The following ARHGAP10 variants were observed in gnomAD, a reference collection of about 807,000 sequenced individuals.
ARHGAP10 encodes the protein rho GTPase-activating protein 10.
A neutral mutation model predicts 108.6 loss-of-function variants in ARHGAP10; 87 were observed. That is an observed-to-expected ratio of 0.80 (90% CI 0.67 to 0.96). ARHGAP10 has a LOEUF of 0.96. ARHGAP10 is among the 40% of genes least tolerant of loss of function. The probability of loss-of-function intolerance (pLI) is 0.00; values close to 1 mark genes in which losing one functional copy is unlikely to be tolerated. For synonymous variants in ARHGAP10, 347 were observed against 341.1 expected (o/e 1.02, Z -0.19); for missense variants, 939 against 954.5 (o/e 0.98, Z 0.21).
intron 3 of ARHGAP10, among the ~76,000 whole-genome samples, chr4:147,823,484 A>G (rs1732588372): frequency 2.6e-5 from 4 of 152,148 alleles, no homozygotes; most frequent in Non-Finnish European, 5.9e-5. Context: ...TTGGCCAGGC[A>G]TGGTGGGTCA....
intron 18 of ARHGAP10, among the ~76,000 whole-genome samples, chr4:147,975,383 AG>A (rs1343962383): frequency 5.3e-5 from 8 of 152,186 alleles, no homozygotes; most frequent in Admixed American, 4.6e-4. Flanking sequence ...ACAGAGCAGT[AG>A]GGAGAAGGGC....
chr4:148,036,066 CTGTGTGTGTGTG>C (rs61692055), intron 19 of ARHGAP10, among the ~76,000 whole-genome samples: 22 of 142,868 alleles, frequency 1.5e-4, no homozygotes, highest in East Asian at 1.0e-3. Flanking sequence ...GGAGCTGCCT[CTGTGTGTGTGTG>C]TGTGTGTGTG....
At chr4:147,879,059 C>T (rs541829238) in intron 8 of ARHGAP10, among the ~76,000 whole-genome samples, 173 bp from the exon 9 acceptor site, 4 of 152,306 alleles carry the variant, frequency 2.6e-5, no homozygotes, top group African/African-American at 9.6e-5. Context: ...CGTGAGCCAC[C>T]GTGCCCGGCC....
At chr4:147,985,085 A>G (rs1277058995) in intron 18 of ARHGAP10, among the ~76,000 whole-genome samples, 1 of 151,912 alleles carries the variant, frequency 6.6e-6, no homozygotes, top group Non-Finnish European at 1.5e-5. Flanking sequence ...AATCTCATCC[A>G]GGAGAGTGGG....
chr4:147,756,209 T>G (rs1489613726), intron 1 of ARHGAP10, among the ~76,000 whole-genome samples: 4 of 151,972 alleles, frequency 2.6e-5, no homozygotes, highest in African/African-American at 9.7e-5. Flanking sequence ...CAGCTTCTGC[T>G]AATACCTCAT....
chr4:147,763,746 C>CTTTTTTTT (rs35774782), intron 1 of ARHGAP10, among the ~76,000 whole-genome samples: 1 of 93,170 alleles, frequency 1.1e-5, no homozygotes, highest in Non-Finnish European at 2.1e-5. Context: ...ATGGTGATTC[C>CTTTTTTTT]TTTTTTTTTT....
chr4:147,892,077 G>A (rs1425966768), intron 10 of ARHGAP10, among the ~76,000 whole-genome samples: 1 of 152,082 alleles, frequency 6.6e-6, no homozygotes, highest in Non-Finnish European at 1.5e-5. Context: ...CTGACATTTC[G>A]AATATTATAT....
At chr4:147,888,021 T>G (rs1030516541) in intron 10 of ARHGAP10, among the ~76,000 whole-genome samples, 1 of 152,032 alleles carries the variant, frequency 6.6e-6, no homozygotes, top group African/African-American at 2.4e-5. Flanking sequence ...TCATGGTCTT[T>G]CCCTCGCAGC....
chr4:148,040,869 C>T (rs1728607288), intron 19 of ARHGAP10, among the ~76,000 whole-genome samples: 1 of 152,030 alleles, frequency 6.6e-6, no homozygotes, highest in African/African-American at 2.4e-5. Flanking sequence ...CCTTAATATT[C>T]CGTCTTGGCT....
chr4:148,049,779 G>C (rs1486987104), intron 20 of ARHGAP10, among the ~76,000 whole-genome samples: 3 of 147,772 alleles, frequency 2.0e-5, no homozygotes, highest in Non-Finnish European at 4.4e-5. Flanking sequence ...CTTACCCCAA[G>C]CTAGATCATA....
intron 1 of ARHGAP10, among the ~76,000 whole-genome samples, chr4:147,800,228 C>T (rs1326510623): frequency 6.6e-6 from 1 of 152,218 alleles, no homozygotes; most frequent in Non-Finnish European, 1.5e-5. Context: ...ACTTTCCTGA[C>T]TGTGGCATAG....
At chr4:147,997,628 G>A (rs185749741) in intron 18 of ARHGAP10, among the ~76,000 whole-genome samples, 178 of 152,300 alleles carry the variant, frequency 1.2e-3, no homozygotes, top group Admixed American at 2.0e-3. Context: ...AACCAGACAC[G>A]TAGAACAGAA....
chr4:148,051,740 C>T (rs1006730721), intron 20 of ARHGAP10, among the ~76,000 whole-genome samples: 10 of 152,300 alleles, frequency 6.6e-5, no homozygotes, highest in East Asian at 1.9e-4. Flanking sequence ...CTCAAGCTGT[C>T]GTTGTGCCAC....
At chr4:147,746,512 T>G (rs914998713) in intron 1 of ARHGAP10, among the ~76,000 whole-genome samples, 2 of 151,704 alleles carry the variant, frequency 1.3e-5, no homozygotes, top group African/African-American at 4.8e-5. Flanking sequence ...GTGATTCTCC[T>G]GTCTCAGCCT....
At chr4:147,770,511 C>T (rs947005133) in intron 1 of ARHGAP10, among the ~76,000 whole-genome samples, 4 of 152,152 alleles carry the variant, frequency 2.6e-5, no homozygotes, top group African/African-American at 7.2e-5. Flanking sequence ...GGCAATAGAG[C>T]GAGACTTGAT....
intron 1 of ARHGAP10, among the ~76,000 whole-genome samples, chr4:147,762,791 A>T (rs974305245): frequency 6.6e-6 from 1 of 151,898 alleles, no homozygotes; most frequent in African/African-American, 2.4e-5. Context: ...CAGCCTCCCA[A>T]AGTGCTGGGA....
At chr4:147,951,881 A>G (rs1738615836) in intron 15 of ARHGAP10, among the ~76,000 whole-genome samples, 1 of 152,222 alleles carries the variant, frequency 6.6e-6, no homozygotes, top group Non-Finnish European at 1.5e-5. Context: ...ACCATAATCA[A>G]GATAGTGACC....
intron 1 of ARHGAP10, among the ~76,000 whole-genome samples, chr4:147,732,706 C>A (rs1728269522): frequency 6.6e-6 from 1 of 152,016 alleles, no homozygotes; most frequent in South Asian, 2.1e-4. Context: ...CAGCGGGCCC[C>A]GCCTGGGCCC....
At chr4:147,804,963 G>A (rs572933184) in intron 1 of ARHGAP10, among the ~76,000 whole-genome samples, 140 of 152,136 alleles carry the variant, frequency 9.2e-4, no homozygotes, top group Non-Finnish European at 1.4e-3. Flanking sequence ...GCTGTGCAGA[G>A]GCTCTTTTGT....
Sources: gnomAD v4.1 joint callset for allele counts (sites outside exome capture counted in the v4.1 genomes callset) on GRCh38, gnomAD v4.1.1 for gene constraint, MANE v1.5 for transcripts, NCBI Gene and HGNC (gene_info 2026-07-23, HGNC 2026-07-21) for gene names.